The following LRRTM4 variants were observed in gnomAD, a reference collection of about 807,000 sequenced individuals.
The protein encoded by LRRTM4 is leucine-rich repeat transmembrane neuronal protein 4.
Under a neutral mutation model 47.6 loss-of-function variants are expected in LRRTM4, and 25 were observed. The observed-to-expected ratio is 0.53, with a 90% CI of 0.38 to 0.73. The LOEUF is 0.73. Among genes scored for constraint, LRRTM4 ranks in the 30% least tolerant of loss-of-function variants. LRRTM4 has a pLI of 0.00. For missense variants in LRRTM4, 638 were observed against 713.4 expected, an observed-to-expected ratio of 0.89 and a Z score of 1.20; for synonymous variants, 311 against 269.5, an observed-to-expected ratio of 1.15 and a Z score of -1.51.
intron 3 of LRRTM4, among the ~76,000 whole-genome samples, chr2:76,856,091 A>G (rs975652711): frequency 2.0e-5 from 3 of 152,124 alleles, no homozygotes; most frequent in South Asian, 4.1e-4. Context: ...AGCCTGGCCA[A>G]CATGGTGAAA....
chr2:77,242,414 A>T (rs1675293155), intron 3 of LRRTM4, among the ~76,000 whole-genome samples: 1 of 152,154 alleles, frequency 6.6e-6, no homozygotes, highest in South Asian at 2.1e-4. Context: ...TTCACAAATC[A>T]TATATCCGAT....
rs780015285 is a variant in LRRTM4 at position 77,414,398 on chromosome 2, T to C, written c.1551+103920A>G. On this transcript the variant is annotated intron_variant, in intron 3 of 3. Transcript: ENST00000409884. ...AATACTTAGTACTATGTGAACAGTT[T>C]ATTTACTTGTGTCAATCATCCTTCC... is the stretch of plus-strand genomic sequence containing the variant. Among the ~76,000 whole-genome samples the C allele has an allele frequency of 8.1e-4, 124 of 152,190 alleles. 1 individual carries two copies. The highest frequency in any genetic ancestry group is 2.2e-4 in the Non-Finnish European group (15 of 68,022).
At chr2:77,168,402 GTT>G (rs531234378) in intron 3 of LRRTM4, among the ~76,000 whole-genome samples, 1 of 151,758 alleles carries the variant, frequency 6.6e-6, no homozygotes, top group Non-Finnish European at 1.5e-5. Context: ...TACATTTCTA[GTT>G]TTTTGTTAGC....
chr2:76,983,649 T>C (rs1305770961), intron 3 of LRRTM4, among the ~76,000 whole-genome samples: 1 of 152,074 alleles, frequency 6.6e-6, no homozygotes, highest in African/African-American at 2.4e-5. Context: ...GAGAATAGAC[T>C]TATACAGTAA....
intron 3 of LRRTM4, among the ~76,000 whole-genome samples, chr2:76,941,206 T>A (rs1363426320): frequency 2.6e-5 from 4 of 152,336 alleles, no homozygotes; most frequent in Middle Eastern, 3.4e-3. Flanking sequence ...AGCCATATCA[T>A]CAGCAGTCTT....
chr2:77,069,382 T>C (rs1680071516), intron 3 of LRRTM4, among the ~76,000 whole-genome samples: 2 of 151,210 alleles, frequency 1.3e-5, no homozygotes, highest in Non-Finnish European at 2.9e-5. Context: ...CTGGGTCATA[T>C]GGAACTCTAC....
At chr2:77,334,024 T>C (rs1469896329) in intron 3 of LRRTM4, among the ~76,000 whole-genome samples, 1 of 152,206 alleles carries the variant, frequency 6.6e-6, no homozygotes, top group East Asian at 1.9e-4. Context: ...AATATTTAAC[T>C]GCCCCGCTGG....
At chr2:77,372,295 A>T (rs1302251290) in intron 3 of LRRTM4, among the ~76,000 whole-genome samples, 1 of 151,798 alleles carries the variant, frequency 6.6e-6, no homozygotes, top group African/African-American at 2.4e-5. Flanking sequence ...CCAGAGACAT[A>T]CACATGTGCC....
At chr2:77,204,831 T>A (rs1450714443) in intron 3 of LRRTM4, among the ~76,000 whole-genome samples, 1 of 152,202 alleles carries the variant, frequency 6.6e-6, no homozygotes, top group African/African-American at 2.4e-5. Context: ...TAAATTAATC[T>A]ATCAATTGAC....
At chr2:77,209,991 C>G (rs1239012487) in intron 3 of LRRTM4, among the ~76,000 whole-genome samples, 1 of 152,194 alleles carries the variant, frequency 6.6e-6, no homozygotes, top group Admixed American at 6.5e-5. Context: ...AATTATAAAG[C>G]TCTCTGCCTA....
chr2:76,947,872 C>G (rs562078909), intron 3 of LRRTM4, among the ~76,000 whole-genome samples: 217 of 151,854 alleles, frequency 1.4e-3, no homozygotes, highest in Non-Finnish European at 2.4e-3. Context: ...AGAGCCCAAG[C>G]AAAAGAAAGA....
chr2:76,900,688 A>T (rs186143666), intron 3 of LRRTM4, among the ~76,000 whole-genome samples: 114 of 152,314 alleles, frequency 7.5e-4, no homozygotes, highest in Middle Eastern at 3.4e-3. Context: ...ACTGAAAAAA[A>T]TGGGACACTT....
chr2:77,008,497 C>G (rs1187505629), intron 3 of LRRTM4, among the ~76,000 whole-genome samples: 2 of 152,156 alleles, frequency 1.3e-5, no homozygotes, highest in African/African-American at 4.8e-5. Flanking sequence ...TGATATTGAT[C>G]AAGCTTTTTG....
At chr2:77,011,626 A>G (rs1677879865) in intron 3 of LRRTM4, among the ~76,000 whole-genome samples, 1 of 151,718 alleles carries the variant, frequency 6.6e-6, no homozygotes. Flanking sequence ...AAACATACAT[A>G]TGATTTCTAG....
intron 3 of LRRTM4, among the ~76,000 whole-genome samples, chr2:77,414,574 G>T (rs144790839): frequency 5.9e-4 from 90 of 152,252 alleles, no homozygotes; most frequent in African/African-American, 2.1e-3. Context: ...GAAGCAATTA[G>T]ATAGAATTTT....
chr2:77,207,105 C>T (rs1408419957), intron 3 of LRRTM4, among the ~76,000 whole-genome samples: 1 of 146,006 alleles, frequency 6.8e-6, no homozygotes, highest in Non-Finnish European at 1.5e-5. Flanking sequence ...TGTTTGTAAC[C>T]AACTGAAATT....
intron 3 of LRRTM4, chr2:76,987,566 T>C (rs1446867332): frequency 6.6e-6 from 1 of 151,938 alleles, no homozygotes; most frequent in Non-Finnish European, 1.5e-5. Flanking sequence ...CTTACAATAA[T>C]CTAAGTAATG....
At chr2:77,293,713 C>T (rs890782870) in intron 3 of LRRTM4, among the ~76,000 whole-genome samples, 3 of 152,106 alleles carry the variant, frequency 2.0e-5, no homozygotes, top group African/African-American at 4.8e-5. Context: ...ATATAATTTT[C>T]AATCCCTTGC....
At chr2:76,973,740 A>G (rs935966504) in intron 3 of LRRTM4, among the ~76,000 whole-genome samples, 1 of 151,986 alleles carries the variant, frequency 6.6e-6, no homozygotes, top group Non-Finnish European at 1.5e-5. Flanking sequence ...TGTATAAAGG[A>G]TGACAAAATG....
Sources: allele counts gnomAD v4.1 joint callset (sites outside exome capture counted in the v4.1 genomes callset), GRCh38; gene constraint gnomAD v4.1.1; transcripts MANE v1.5; gene names NCBI Gene and HGNC (gene_info 2026-07-23, HGNC 2026-07-21).